The following IQSEC1 variants were observed in gnomAD, a reference collection of about 807,000 sequenced individuals.
The protein encoded by IQSEC1 is IQ motif and Sec7 domain ArfGEF 1.
In IQSEC1, 31 loss-of-function variants were observed where a neutral mutation model predicts 91.0. The ratio of observed to expected loss-of-function variants is 0.34; its 90% CI spans 0.26 to 0.46. IQSEC1 has a LOEUF of 0.46. IQSEC1 is among the 20% of genes least tolerant of loss of function. The probability of loss-of-function intolerance (pLI) is 1.00; values close to 1 mark genes in which losing one functional copy is unlikely to be tolerated. For synonymous variants in IQSEC1, 699 were observed against 662.6 expected, an observed-to-expected ratio of 1.05 and a Z score of -0.84; for missense variants, 1,388 against 1,575.6, an observed-to-expected ratio of 0.88 and a Z score of 2.02.
intron 1 of IQSEC1, among the ~76,000 whole-genome samples, chr3:12,989,729 C>T (rs1304845479): frequency 6.6e-6 from 1 of 152,248 alleles, no homozygotes. Context: ...CGCCCTCAAC[C>T]CTCCTGAGTG....
chr3:12,939,149 G>A (rs1698514758), intron 2 of IQSEC1, among the ~76,000 whole-genome samples: 1 of 152,202 alleles, frequency 6.6e-6, no homozygotes, highest in Non-Finnish European at 1.5e-5. Context: ...TTCTCAGCAA[G>A]GACAAGACAC....
chr3:13,034,785 C>G (rs938059770), intron 1 of IQSEC1, among the ~76,000 whole-genome samples: 3 of 152,242 alleles, frequency 2.0e-5, no homozygotes, highest in African/African-American at 7.2e-5. Context: ...TATTTCTCAC[C>G]TGCACCGGCT....
chr3:13,007,569 A>T (rs1702692864), intron 1 of IQSEC1, among the ~76,000 whole-genome samples: 1 of 152,212 alleles, frequency 6.6e-6, no homozygotes, highest in East Asian at 1.9e-4. Flanking sequence ...CCCCTGCAAG[A>T]TAGGGCAGAT....
intron 13 of IQSEC1, 90 bp downstream of exon 13, chr3:12,902,670 CAAAAAAAAAAAAA>C (rs1213830618): frequency 1.0e-5 from 2 of 192,650 alleles, no homozygotes; most frequent in Non-Finnish European, 1.8e-5. Flanking sequence ...AAAAAAAAAC[CAAAAAAAAAAAAA>C]AAAAAAAAAA....
At position 12,897,153 on chromosome 3, in the gene IQSEC1, A is replaced by G. The variant is rs550769384; in HGVS notation, c.*3830T>C. On this transcript the variant is annotated 3_prime_UTR_variant, in exon 14 of 14. Coordinates refer to ENST00000613206, the MANE Select transcript of IQSEC1 (RefSeq NM_001134382.3). ...GTCACAACAAGTAATGGGGAAACTC[A>G]TCAGCTGGAGATCTGGGTCTGGCCA... 6.6e-6 allele frequency: 1 copy of G among 152,274 alleles called. No homozygotes were observed. Among genetic ancestry groups the G allele is most frequent in the Non-Finnish European group, 1.5e-5 (1 of 68,048 alleles). 9.4% of individuals were successfully genotyped at this position (152,274 alleles called of 1,614,324 possible).
At chr3:13,221,198 C>T (rs762744150) in intron 1 of IQSEC1, among the ~76,000 whole-genome samples, 35 of 152,154 alleles carry the variant, frequency 2.3e-4, no homozygotes, top group African/African-American at 7.2e-4. Flanking sequence ...TTCCAGGCCC[C>T]GCCCTGGTCA....
At chr3:12,903,868 G>A (rs180979182) in intron 12 of IQSEC1, among the ~76,000 whole-genome samples, 3 of 152,290 alleles carry the variant, frequency 2.0e-5, no homozygotes, top group East Asian at 3.9e-4. Flanking sequence ...CCCTATAGGC[G>A]CCACTGTGTC....
intron 5 of IQSEC1, among the ~76,000 whole-genome samples, chr3:12,921,287 C>T (rs1696608194): frequency 6.6e-6 from 1 of 152,190 alleles, no homozygotes; most frequent in Non-Finnish European, 1.5e-5. Flanking sequence ...AGGAAGCCGT[C>T]CTGGAAGGAG....
intron 2 of IQSEC1, among the ~76,000 whole-genome samples, chr3:13,143,388 G>C (rs1481391095): frequency 6.6e-6 from 1 of 152,194 alleles, no homozygotes; most frequent in Non-Finnish European, 1.5e-5. Flanking sequence ...TGCCACCATG[G>C]ATTCTGTTAC....
chr3:13,052,580 C>T (rs1215695516), intron 1 of IQSEC1, among the ~76,000 whole-genome samples: 2 of 152,148 alleles, frequency 1.3e-5, no homozygotes, highest in African/African-American at 4.8e-5. Flanking sequence ...GATGGTAGGT[C>T]GTATGGTGTG....
intron 2 of IQSEC1, among the ~76,000 whole-genome samples, chr3:12,938,648 G>A (rs1224305587): frequency 6.6e-6 from 1 of 152,146 alleles, no homozygotes; most frequent in Non-Finnish European, 1.5e-5. Context: ...GGGCCCATAA[G>A]AGGCCCAAGG....
Position 12,903,303 on chromosome 3 carries a change from A to G in IQSEC1, c.2756-481T>C, listed in dbSNP as rs561076361. On this transcript the variant is annotated intron_variant, in intron 12 of 13. Coordinates refer to ENST00000613206, the MANE Select transcript of IQSEC1 (RefSeq NM_001134382.3). ...TGTGTATATCCGCACACACACATAT[A>G]TGCCCCCACCTCCTTGGCAGGACGA... Among the ~76,000 whole-genome samples, 19 of 152,072 alleles carry G rather than the reference A, an allele frequency of 1.2e-4. No individual in the cohort carries two copies. The East Asian group carries it at 3.7e-3, about 30-fold the overall frequency.
At chr3:13,026,886 T>C (rs1352329987) in intron 1 of IQSEC1, among the ~76,000 whole-genome samples, 4 of 147,302 alleles carry the variant, frequency 2.7e-5, no homozygotes, top group Non-Finnish European at 6.1e-5. Flanking sequence ...TTTGTTTGTT[T>C]TTTTTTTTAC....
chr3:13,202,628 G>C (rs1216888590), intron 1 of IQSEC1, among the ~76,000 whole-genome samples: 1 of 152,146 alleles, frequency 6.6e-6, no homozygotes, highest in African/African-American at 2.4e-5. Flanking sequence ...GGGGCTGGGG[G>C]AGGAGGCATA....
intron 1 of IQSEC1, among the ~76,000 whole-genome samples, chr3:13,050,286 CACAGGCCAGGA>C (rs906305325): frequency 4.6e-4 from 70 of 152,270 alleles, no homozygotes; most frequent in African/African-American, 1.6e-3. Flanking sequence ...CACAGCAGTG[CACAGGCCAGGA>C]ACAGGCCCCA....
intron 1 of IQSEC1, among the ~76,000 whole-genome samples, chr3:13,232,897 G>A (rs761321824): frequency 7.9e-5 from 12 of 152,128 alleles, no homozygotes; most frequent in Non-Finnish European, 1.5e-4. Context: ...GTCACGAAAC[G>A]TGAAAAACAG....
At position 13,063,593 on chromosome 3, in the gene IQSEC1, G is replaced by T. The variant is rs115870790; in HGVS notation, c.23+9399C>A. ...GGGCTGGGGCTGGGGCCCCGGTTCTGGGAGGCATTGGGGGACAATGGATAA... is the reference window on the plus strand; with the variant it reads ...GGGCTGGGGCTGGGGCCCCGGTTCTTGGAGGCATTGGGGGACAATGGATAA... On this transcript the variant is annotated intron_variant, in intron 1 of 13. Coordinates refer to ENST00000613206, the MANE Select transcript of IQSEC1 (RefSeq NM_001134382.3). Among the ~76,000 whole-genome samples, 1,093 of 152,358 alleles carry T rather than the reference G, an allele frequency of 7.2e-3. 11 individuals carry two copies. Among genetic ancestry groups the T allele is most frequent in the African/African-American group, 0.025 (1,040 of 41,588 alleles).
At chr3:13,136,267 C>T (rs1450781499) in intron 2 of IQSEC1, among the ~76,000 whole-genome samples, 2 of 152,302 alleles carry the variant, frequency 1.3e-5, no homozygotes, top group East Asian at 1.9e-4. Flanking sequence ...GAAGGTCACC[C>T]GACTCACACC....
At chr3:13,195,700 G>C (rs895146008) in intron 1 of IQSEC1, among the ~76,000 whole-genome samples, 16 of 152,202 alleles carry the variant, frequency 1.1e-4, no homozygotes, top group African/African-American at 3.6e-4. Context: ...GTGCAGGGAA[G>C]TGGATGTGGC....
Sources: gnomAD v4.1 joint callset for allele counts (sites outside exome capture counted in the v4.1 genomes callset) on GRCh38, gnomAD v4.1.1 for gene constraint, MANE v1.5 for transcripts, NCBI Gene and HGNC (gene_info 2026-07-23, HGNC 2026-07-21) for gene names.